TMF1: variants seen among roughly 807,000 people sequenced by gnomAD.
TMF1 encodes the protein TATA element modulatory factor 1.
In TMF1, 71 loss-of-function variants were observed where a neutral mutation model predicts 126.5. The ratio of observed to expected loss-of-function variants is 0.56; its 90% confidence interval spans 0.46 to 0.68. The LOEUF (loss-of-function observed/expected upper bound fraction) is 0.68. TMF1 is among the 30% of genes least tolerant of loss of function. The pLI is 0.00. For missense variants in TMF1, 1,259 were observed against 1,253.2 expected, an observed-to-expected ratio of 1.00 and a Z score of -0.07; for synonymous variants, 461 against 430.5, an observed-to-expected ratio of 1.07 and a Z score of -0.88.
At position 69,038,848 on chromosome 3, in the gene TMF1, T is replaced by C; in HGVS notation, c.1989A>G (p.Ala663=). The C allele has an allele frequency of 1.3e-6, 2 of 1,596,572 alleles. No homozygotes were observed. The highest frequency in any genetic ancestry group is 1.7e-4 in the Middle Eastern group (1 of 5,944). The part of the protein sequence containing the change: ...NRSIQAALDS[A]YKELTDLHKA... ...ATATTTGTTCATTTTCTTACTTGTA[T>C]GCACTATCCAGGGCAGCCTGAATAC... is the stretch of plus-strand genomic sequence containing the variant. The change falls in exon 7 of 17, where the codon GCA becomes GCG. Residue 663 remains alanine, a synonymous_variant. Coordinates refer to ENST00000398559, the MANE Select transcript of TMF1 (RefSeq NM_007114.3).
At chr3:69,034,042 TGAGCAGG>T in intron 9 of TMF1, 1 of 172,734 alleles carries the variant, frequency 5.8e-6, no homozygotes, top group Non-Finnish European at 1.2e-5. Context: ...CTCGAACTCC[TGAGCAGG>T]CAATCTGACT....
chr3:69,035,956 GTAT>G (rs2091829097), intron 8 of TMF1, among the ~76,000 whole-genome samples: 1 of 151,828 alleles, frequency 6.6e-6, no homozygotes, highest in Non-Finnish European at 1.5e-5. Context: ...CAATTTTTCT[GTAT>G]TATTATTATT....
intron 11 of TMF1, 40 bp from the exon 12 acceptor site, chr3:69,028,335 A>T (rs139736121): frequency 7.0e-7 from 1 of 1,429,374 alleles, no homozygotes; most frequent in Admixed American, 1.7e-5. Context: ...AGAAAATGAA[A>T]AAGATGCTAG....
At chr3:69,033,900 G>C (rs2091818322) in intron 9 of TMF1, 196 bp from the exon 10 acceptor site, 1 of 464,422 alleles carries the variant, frequency 2.2e-6, no homozygotes, top group Non-Finnish European at 3.7e-6. Flanking sequence ...GCACAATCGT[G>C]GCTCACTGTA....
chr3:69,026,456 C>T (rs961726350), intron 13 of TMF1, among the ~76,000 whole-genome samples: 5 of 152,056 alleles, frequency 3.3e-5, no homozygotes, highest in Admixed American at 2.0e-4. Context: ...ATTAGCTGGG[C>T]GTGGTGGCGC....
At position 69,039,408 on chromosome 3, in the gene TMF1, T is replaced by C; in HGVS notation, c.1827+143A>G. 5.1e-6 allele frequency: 5 copies of C among 978,372 alleles called. 1 individual carries two copies. The highest frequency in any genetic ancestry group is 4.3e-6 in the Non-Finnish European group (3 of 692,636). 60.6% of individuals were successfully genotyped at this position (978,372 alleles called of 1,614,324 possible). Reference sequence around the variant, plus strand: ...TGAGCCACCCCACTCGGCTAAAAAATCTTATCATTTATCTATTGTTTGAAA... The same window carrying C: ...TGAGCCACCCCACTCGGCTAAAAAACCTTATCATTTATCTATTGTTTGAAA... On this transcript the variant is annotated intron_variant, in intron 6 of 16. Coordinates refer to ENST00000398559, the MANE Select transcript of TMF1 (RefSeq NM_007114.3).
rs550368743 is a variant in TMF1 at position 69,035,767 on chromosome 3, A to T, written c.2152-652T>A. On this transcript the variant is annotated intron_variant, in intron 8 of 16. Coordinates refer to ENST00000398559, the MANE Select transcript of TMF1 (RefSeq NM_007114.3). ...ATTACAATAAATGTATAAAACATGTAAAAAAAATTTCTAATATACTATTAA... is the reference window on the plus strand; with the variant it reads ...ATTACAATAAATGTATAAAACATGTTAAAAAAATTTCTAATATACTATTAA... Among the ~76,000 whole-genome samples the T allele has an allele frequency of 3.3e-5, 5 of 151,918 alleles. No homozygotes were observed. In the East Asian group the frequency reaches 9.6e-4, roughly 29 times the overall value.
At chr3:69,044,243 T>C (rs1403191111) in intron 3 of TMF1, among the ~76,000 whole-genome samples, 6 of 152,180 alleles carry the variant, frequency 3.9e-5, no homozygotes, top group Non-Finnish European at 8.8e-5. Context: ...GTTTTAAATC[T>C]CTAATACTAA....
At chr3:69,025,534 T>C in intron 15 of TMF1, 26 bp downstream of exon 15, 1 of 1,596,000 alleles carries the variant, frequency 6.3e-7, no homozygotes, top group Non-Finnish European at 8.5e-7. Flanking sequence ...CATTTACTTC[T>C]ATAGCAAATT....
chr3:69,028,042 CATG>C lies in TMF1; in HGVS notation c.2665-53_2665-51del, dbSNP rs747414786. ...CAATTTCTGTGATAGTAATTCATGC[CATG>C]ATAAGTCAATCTCAAAGTTAGAAGC... On this transcript the variant is annotated intron_variant, in intron 12 of 16. Coordinates refer to ENST00000398559, the MANE Select transcript of TMF1 (RefSeq NM_007114.3). The C allele has an allele frequency of 7.1e-5, 88 of 1,231,920 alleles. No individual in the cohort carries two copies. The South Asian group carries it at 9.7e-4, about 14-fold the overall frequency. The allele number at this position is 1,231,920 out of a possible 1,614,324, so 76.3% of individuals were successfully genotyped here.
Position 69,020,494 on chromosome 3 carries a change from C to A in TMF1, c.*2683G>T, listed in dbSNP as rs979671004. 1 of 152,074 alleles carries A rather than the reference C, an allele frequency of 6.6e-6. No individual in the cohort carries two copies. Among genetic ancestry groups the A allele is most frequent in the Non-Finnish European group, 1.5e-5 (1 of 67,976 alleles). The allele number at this position is 152,074 out of a possible 1,614,324, so 9.4% of individuals were successfully genotyped here. The stretch of plus-strand genomic sequence containing the variant: ...TTTATATTCTTGAAAATGTTATTTG[C>A]AGCTTTTTTCTTTCAAGAATGGAAA... On this transcript the variant is annotated 3_prime_UTR_variant, in exon 17 of 17. Transcript: ENST00000398559.
At chr3:69,029,162 T>C (rs1299461060) in intron 11 of TMF1, among the ~76,000 whole-genome samples, 1 of 151,570 alleles carries the variant, frequency 6.6e-6, no homozygotes, top group Admixed American at 6.6e-5. Context: ...GCCTCCCGAG[T>C]AGCTGGAATT....
In TMF1 at chr3:69,052,302, G is replaced by C. The variant is rs147926647; in HGVS notation, c.-216C>G. ...AGGGGGCCCATGTGCGCATGCGCTT[G>C]CTTCTTCCACGTACACAGCAACCAA... On this transcript the variant is annotated 5_prime_UTR_variant, in exon 1 of 17. Transcript: ENST00000398559. The C allele has an allele frequency of 2.5e-3, 1,077 of 438,880 alleles. 4 individuals are homozygous for C. Among genetic ancestry groups the C allele is most frequent in the Non-Finnish European group, 3.5e-3 (860 of 245,302 alleles). The allele number at this position is 438,880 out of a possible 1,614,324, so 27.2% of individuals were successfully genotyped here.
rs1330569745 is a variant in TMF1, at chr3:69,047,944, G to C, written c.761C>G (p.Ser254Cys). ...PPVSTFSSGT[S>C]TTSDIEVLDH... ...TAAAACTTCAATATCACTGGTGGTA[G>C]AAGTACCTGATGAAAAGGTACTAAC... Residue 254 changes from serine (S) to cysteine (C), a missense_variant, in exon 2 of 17, where the codon TCT becomes TGT. Ser to Cys is a moderately radical substitution (Grantham distance 112, BLOSUM62 -1). Transcript: ENST00000398559. 6.2e-7 allele frequency: 1 copy of C among 1,613,842 alleles called. No individual in the cohort carries two copies. Among genetic ancestry groups the C allele is most frequent in the East Asian group, 2.2e-5 (1 of 44,886 alleles).
intron 2 of TMF1, 96 bp from the exon 3 acceptor site, chr3:69,044,691 A>T: frequency 1.4e-6 from 1 of 707,140 alleles, no homozygotes; most frequent in South Asian, 1.9e-5. Context: ...AAACAGCTTT[A>T]TCTCATAAAA....
chr3:69,044,620 T>C (rs2091885455), intron 2 of TMF1, 25 bp from the exon 3 acceptor site: 1 of 1,501,618 alleles, frequency 6.7e-7, no homozygotes, highest in Non-Finnish European at 9.1e-7. Context: ...TACATAAAAG[T>C]CAGAACGCTT....
At position 69,029,841 on chromosome 3, in the gene TMF1, C is replaced by A. The variant is rs768537473; in HGVS notation, c.2568G>T (p.Leu856=). The A allele has an allele frequency of 2.5e-6, 4 of 1,612,740 alleles. No homozygotes were observed. Among genetic ancestry groups the A allele is most frequent in the African/African-American group, 1.3e-5 (1 of 74,846 alleles). Reference sequence around the variant, plus strand: ...TATTGTTCTCATCCTCCAGTTTACACAGCCTATTTTTCTCTGATTCTAGCT... The same window carrying A: ...TATTGTTCTCATCCTCCAGTTTACAAAGCCTATTTTTCTCTGATTCTAGCT... ...QAQLESEKNR[L]CKLEDENNRY... Residue 856 remains leucine, a synonymous_variant, in exon 11 of 17, where the codon CTG becomes CTT. Coordinates refer to ENST00000398559, the MANE Select transcript of TMF1 (RefSeq NM_007114.3).
At chr3:69,049,237 G>T (rs556580880) in intron 1 of TMF1, among the ~76,000 whole-genome samples, 2 of 152,134 alleles carry the variant, frequency 1.3e-5, no homozygotes, top group African/African-American at 4.8e-5. Flanking sequence ...AGCTGGGCCT[G>T]GTGGCCCACA....
rs1450337462 is a variant in TMF1, at chr3:69,020,164, A to T, written c.*3013T>A. The T allele has an allele frequency of 6.6e-6, 1 of 152,182 alleles. No homozygotes were observed. Among genetic ancestry groups the T allele is most frequent in the Non-Finnish European group, 1.5e-5 (1 of 68,002 alleles). The allele number at this position is 152,182 out of a possible 1,614,324, so 9.4% of individuals were successfully genotyped here. On this transcript the variant is annotated 3_prime_UTR_variant, in exon 17 of 17. Transcript: ENST00000398559. Reference sequence around the variant, plus strand: ...AAGCATTCAAATAAAACTCTCAATAAATGCCAACTGAAGAGATGGAGAAAA... The same window carrying T: ...AAGCATTCAAATAAAACTCTCAATATATGCCAACTGAAGAGATGGAGAAAA...
Sources: gnomAD v4.1 joint callset for allele counts (sites outside exome capture counted in the v4.1 genomes callset) on GRCh38, gnomAD v4.1.1 for gene constraint, MANE v1.5 for transcripts, NCBI Gene and HGNC (gene_info 2026-07-23, HGNC 2026-07-21) for gene names.